GIPC1: variants seen among roughly 807,000 people sequenced by gnomAD.
The protein encoded by GIPC1 is PDZ domain-containing protein GIPC1.
GIPC1 carries 15 observed loss-of-function variants against 28.5 expected under a neutral mutation model. The ratio of observed to expected loss-of-function variants is 0.53; its 90% CI spans 0.35 to 0.81. GIPC1 has a LOEUF of 0.81. Ranked by LOEUF, GIPC1 falls within the 30% of genes least tolerant of loss-of-function variation. The pLI, the probability that GIPC1 is intolerant of heterozygous loss-of-function variation, is 0.01. For missense variants in GIPC1, 439 were observed against 481.9 expected (o/e 0.91, Z 0.83); for synonymous variants, 224 against 206.1 (o/e 1.09, Z -0.74).
rs1599347717 is a variant in GIPC1 at position 14,480,492 on chromosome 19, G to T, written c.475-7C>A. On this transcript the variant is annotated splice_polypyrimidine_tract_variant and splice_region_variant and intron_variant, in intron 5 of 8. Transcript: ENST00000393033. ...CGCTGCCCTCCTTGATGCGCTGCGG[G>T]GGCGGGGAGTCATCAGCCCTTGGGG... 1.2e-6 allele frequency: 2 copies of T among 1,608,150 alleles called. No individual in the cohort carries two copies. Among genetic ancestry groups the T allele is most frequent in the East Asian group, 4.5e-5 (2 of 44,746 alleles).
In GIPC1 at chr19:14,483,006, T is replaced by C. The variant is rs1247349503; in HGVS notation, c.-30A>G. ...AGCGAGAAGTGGGGTCACCAGAAGA[T>C]CTGCAGGACAGGAAGTGGGGCTCAG... On this transcript the variant is annotated splice_region_variant and 5_prime_UTR_variant, in exon 4 of 9. Coordinates refer to ENST00000393033, the MANE Select transcript of GIPC1 (RefSeq NM_005716.4). The C allele has an allele frequency of 6.2e-6, 10 of 1,600,554 alleles. No individual in the cohort carries two copies. In the African/African-American group the frequency reaches 1.2e-4, roughly 19 times the overall value.
chr19:14,483,032 G>A (rs973831104), intron 3 of GIPC1, 26 bp from the exon 4 acceptor site: 8 of 1,549,608 alleles, frequency 5.2e-6, no homozygotes, highest in Non-Finnish European at 6.1e-6. Context: ...TGGGGCTCAG[G>A]GCCTGGGCAG....
At chr19:14,483,173 G>A in intron 3 of GIPC1, 167 bp from the exon 4 acceptor site, 1 of 582,912 alleles carries the variant, frequency 1.7e-6, no homozygotes, top group Non-Finnish European at 3.0e-6. Context: ...AGTAATAATA[G>A]GGCTGGGTGC....
At chr19:14,486,176 G>C (rs2146478676) in intron 3 of GIPC1, among the ~76,000 whole-genome samples, 1 of 152,290 alleles carries the variant, frequency 6.6e-6, no homozygotes, top group African/African-American at 2.4e-5. Flanking sequence ...ACCGTGCCCG[G>C]CCTGTGACCT....
Position 14,478,561 on chromosome 19 carries a change from G to T in GIPC1, c.857C>A (p.Thr286Asn). ...MGIRDTELAA[T>N]MVELGKDKRN... Reference sequence around the variant, plus strand: ...TTTGTCCTTTCCCAGCTCCACCATGGTGGCCGCTATTGGGGGAGGGGTCAG... The same window carrying T: ...TTTGTCCTTTCCCAGCTCCACCATGTTGGCCGCTATTGGGGGAGGGGTCAG... Residue 286 changes from threonine (T) to asparagine (N), a missense_variant, in exon 9 of 9, where the codon ACC becomes AAC. Physicochemically the swap from Thr to Asn is moderately conservative, Grantham distance 65 (BLOSUM62 0). Transcript: ENST00000393033. The surrounding 1 kb of genome is among the most constrained non-coding windows in gnomAD (Gnocchi z 5.2). 1.2e-6 allele frequency: 2 copies of T among 1,613,996 alleles called. No individual in the cohort carries two copies. The highest frequency in any genetic ancestry group is 1.7e-6 in the Non-Finnish European group (2 of 1,179,966).
At position 14,482,902 on chromosome 19, in the gene GIPC1, T is replaced by G. The variant is rs1401775911; in HGVS notation, c.75A>C (p.Gly25=). The G allele has an allele frequency of 2.5e-6, 4 of 1,602,298 alleles. No homozygotes were observed. The highest frequency in any genetic ancestry group is 3.4e-6 in the Non-Finnish European group (4 of 1,175,158). The change falls in exon 4 of 9, where the codon GGA becomes GGC. Residue 25 remains glycine, a synonymous_variant. Coordinates refer to ENST00000393033, the MANE Select transcript of GIPC1 (RefSeq NM_005716.4). ...GCCCTGGCTCCCCCACGCCCAGCCC[T>G]CCACGGCCTGGCTCAGCCTCCTCAT... is the stretch of plus-strand genomic sequence containing the variant. ...VENEEAEPGR[G]GLGVGEPGPL... is the part of the protein sequence containing the mutation.
intron 3 of GIPC1, among the ~76,000 whole-genome samples, chr19:14,488,361 G>C (rs988637691): frequency 1.3e-5 from 2 of 152,134 alleles, no homozygotes; most frequent in African/African-American, 4.8e-5. Flanking sequence ...TGAGGTGGGA[G>C]AATCACTTGA....
chr19:14,478,232 GA>G lies in GIPC1; in HGVS notation c.*183del. 1 of 594,690 alleles carries G rather than the reference GA, an allele frequency of 1.7e-6. No individual in the cohort carries two copies. 36.8% of individuals were successfully genotyped at this position (594,690 alleles called of 1,614,324 possible). A position where few individuals can be genotyped will look rare whatever the true frequency, so the allele number is the denominator to read the frequency against. ...GGGCCGGGGACCCCGGCCAGACTGG[GA>G]ACCAGGGAGGGGATGGTACCGATTG... On this transcript the variant is annotated 3_prime_UTR_variant, in exon 9 of 9. Coordinates refer to ENST00000393033, the MANE Select transcript of GIPC1 (RefSeq NM_005716.4). The surrounding 1 kb of genome is among the most constrained non-coding windows in gnomAD (Gnocchi z 5.2).
chr19:14,489,574 C>G, intron 3 of GIPC1: 2 of 1,052,922 alleles, frequency 1.9e-6, no homozygotes, highest in South Asian at 1.3e-5. Context: ...GGTGGAAATA[C>G]GAGGAAATAG....
intron 4 of GIPC1, among the ~76,000 whole-genome samples, chr19:14,481,465 G>A (rs1290648093): frequency 6.6e-6 from 1 of 152,098 alleles, no homozygotes; most frequent in Non-Finnish European, 1.5e-5. Flanking sequence ...GCTCACGCCT[G>A]TAATCCCAGC....
intron 3 of GIPC1, among the ~76,000 whole-genome samples, chr19:14,486,439 G>A (rs2071845337): frequency 1.3e-5 from 2 of 152,098 alleles, no homozygotes; most frequent in African/African-American, 4.8e-5. Flanking sequence ...AGAGGAAGTG[G>A]CACATGACAT....
intron 1 of GIPC1, among the ~76,000 whole-genome samples, chr19:14,495,025 T>C (rs2146499167): frequency 6.6e-6 from 1 of 152,132 alleles, no homozygotes; most frequent in South Asian, 2.1e-4. Context: ...CAGTGTTGCT[T>C]TGGAGAGAAG....
rs569852705 is a variant in GIPC1, at chr19:14,478,116, T to C, written c.*300A>G. 350 of 359,124 alleles carry C rather than the reference T, an allele frequency of 9.7e-4. 2 individuals are homozygous for C. Among genetic ancestry groups the C allele is most frequent in the Non-Finnish European group, 1.5e-3 (298 of 194,848 alleles). The allele number at this position is 359,124 out of a possible 1,614,324, so 22.2% of individuals were successfully genotyped here. ...CAGTTTGGCAGCTGATGGTGGAAAGTGGTGGAGGCGGGGGTGGCCGCCCAA... is the reference window on the plus strand; with the variant it reads ...CAGTTTGGCAGCTGATGGTGGAAAGCGGTGGAGGCGGGGGTGGCCGCCCAA... On this transcript the variant is annotated 3_prime_UTR_variant, in exon 9 of 9. Transcript: ENST00000393033. This position sits in a 1 kb window ranked among gnomAD's most constrained non-coding sequence, Gnocchi z 5.2.
Position 14,478,385 on chromosome 19 carries a change from C to A in GIPC1, c.*31G>T. On this transcript the variant is annotated 3_prime_UTR_variant, in exon 9 of 9. Coordinates refer to ENST00000393033, the MANE Select transcript of GIPC1 (RefSeq NM_005716.4). This position sits in a 1 kb window ranked among gnomAD's most constrained non-coding sequence, Gnocchi z 5.2. ...CTGGGGGCCCCCACCAGGTTGCGCC[C>A]GGGTCATCATCGCAGGGTCCGGGGG... The A allele has an allele frequency of 1.3e-6, 2 of 1,573,052 alleles. No individual in the cohort carries two copies.
At chr19:14,481,263 C>G (rs1056185354) in intron 4 of GIPC1, among the ~76,000 whole-genome samples, 7 of 152,106 alleles carry the variant, frequency 4.6e-5, no homozygotes, top group African/African-American at 1.7e-4. Context: ...CGTGCCACCA[C>G]ACCCACATAG....
At chr19:14,493,253 G>T (rs1485385332) in intron 1 of GIPC1, among the ~76,000 whole-genome samples, 1 of 152,178 alleles carries the variant, frequency 6.6e-6, no homozygotes, top group East Asian at 1.9e-4. Context: ...TTAACTTCAT[G>T]TCTCTATTTT....
intron 6 of GIPC1, chr19:14,479,991 G>C (rs10406225): frequency 5.7e-6 from 3 of 525,030 alleles, no homozygotes; most frequent in East Asian, 3.4e-5. Flanking sequence ...AAAGTGGGGG[G>C]GCTGGCACTG....
chr19:14,485,736 G>C lies in GIPC1; in HGVS notation c.-30-2730C>G, dbSNP rs888590039. Reference sequence around the variant, plus strand: ...AGAGAGAGAGAGAGAGAGAGAGAGAGAGAGACAGAGAGAGGGAGAGAGAGA... The same window carrying C: ...AGAGAGAGAGAGAGAGAGAGAGAGACAGAGACAGAGAGAGGGAGAGAGAGA... On this transcript the variant is annotated intron_variant, in intron 3 of 8. Transcript: ENST00000393033. Among the ~76,000 whole-genome samples the C allele has an allele frequency of 1.2e-3, 177 of 146,536 alleles. 2 individuals carry two copies. Among genetic ancestry groups the C allele is most frequent in the Middle Eastern group, 3.5e-3 (1 of 286 alleles).
At chr19:14,489,322 C>A (rs1000439670) in intron 3 of GIPC1, 1 of 767,884 alleles carries the variant, frequency 1.3e-6, no homozygotes. Context: ...CTGGGCCTAC[C>A]GCGGTAGCGT....
Sources: allele counts gnomAD v4.1 joint callset (sites outside exome capture counted in the v4.1 genomes callset), GRCh38; gene constraint gnomAD v4.1.1; non-coding constraint Gnocchi (gnomAD v3.1); transcripts MANE v1.5; gene names NCBI Gene and HGNC (gene_info 2026-07-23, HGNC 2026-07-21).